Variants in EIF4A1 observed in about 807,000 individuals in gnomAD.
The protein encoded by EIF4A1 is eukaryotic initiation factor 4A-I.
A neutral mutation model predicts 53.5 loss-of-function variants in EIF4A1; 11 were observed. That is an observed-to-expected ratio of 0.21 (90% CI 0.13 to 0.34). EIF4A1 has a LOEUF of 0.34. Ranked by LOEUF, EIF4A1 falls within the 10% of genes least tolerant of loss-of-function variation. The pLI, the probability that EIF4A1 is intolerant of heterozygous loss-of-function variation, is 1.00. For synonymous variants in EIF4A1, 237 were observed against 186.7 expected, an observed-to-expected ratio of 1.27 and a Z score of -2.20; for missense variants, 213 against 530.8, an observed-to-expected ratio of 0.40 and a Z score of 5.88.
At position 7,578,549 on chromosome 17, in the gene EIF4A1, A is replaced by AG. The variant is rs1199711076; in HGVS notation, c.*69dup. The AG allele has an allele frequency of 4.0e-6, 6 of 1,486,920 alleles. No individual in the cohort carries two copies. The highest frequency in any genetic ancestry group is 1.4e-5 in the South Asian group (1 of 71,316). 92.1% of individuals were successfully genotyped at this position (1,486,920 alleles called of 1,614,324 possible). A position where few individuals can be genotyped will look rare whatever the true frequency, so the allele number is the denominator to read the frequency against. On this transcript the variant is annotated 3_prime_UTR_variant, in exon 11 of 11. Coordinates refer to ENST00000293831, the MANE Select transcript of EIF4A1 (RefSeq NM_001416.4). ...TCTCTGGGGGCTGAGGAGCAGCAGGAGGGGGGAGGGAAGGGAGCCAAGGGA... is the reference window on the plus strand; with the variant it reads ...TCTCTGGGGGCTGAGGAGCAGCAGGAGGGGGGGAGGGAAGGGAGCCAAGGGA...
intron 5 of EIF4A1, 39 bp downstream of exon 5, chr17:7,576,731 C>T (rs2071406371): frequency 1.9e-6 from 3 of 1,572,224 alleles, no homozygotes; most frequent in Non-Finnish European, 2.6e-6. Flanking sequence ...GGTCACTTTG[C>T]TCTTGTGCAC....
At chr17:7,572,998 G>C in intron 1 of EIF4A1, 134 bp downstream of exon 1, 3 of 1,514,086 alleles carry the variant, frequency 2.0e-6, no homozygotes, top group Non-Finnish European at 2.7e-6. Flanking sequence ...GTCCGACTTG[G>C]AGGGGCGAGG....
Position 7,574,611 on chromosome 17 carries a change from C to T in EIF4A1, c.138C>T (p.Gly46=), listed in dbSNP as rs2150924808. The part of the protein sequence containing the change: ...DMNLSESLLR[G]IYAYGFEKPS... ...ACCTCTCGGAGTCCCTTCTCCGTGG[C>T]ATCTACGCGTATGGTTTTGAGAAGC... The change falls in exon 3 of 11, where the codon GGC becomes GGT. Residue 46 remains glycine (G), a synonymous_variant. Coordinates refer to ENST00000293831, the MANE Select transcript of EIF4A1 (RefSeq NM_001416.4). The T allele has an allele frequency of 6.2e-7, 1 of 1,612,256 alleles. No homozygotes were observed. The highest frequency in any genetic ancestry group is 1.1e-5 in the South Asian group (1 of 90,986).
Position 7,574,320 on chromosome 17 carries a change from G to A in EIF4A1, c.72+12G>A, listed in dbSNP as rs763443020. On this transcript the variant is annotated intron_variant, in intron 2 of 10. Transcript: ENST00000293831. Reference sequence around the variant, plus strand: ...AAGGCGTCATCGAGGTGAGACTGGAGAAATGGAATTCTGTCCTCCCCCATT... The same window carrying A: ...AAGGCGTCATCGAGGTGAGACTGGAAAAATGGAATTCTGTCCTCCCCCATT... 1.2e-5 allele frequency: 20 copies of A among 1,614,188 alleles called. No homozygotes were observed. The highest frequency in any genetic ancestry group is 1.7e-5 in the Non-Finnish European group (20 of 1,180,032).
intron 3 of EIF4A1, 150 bp from the exon 4 acceptor site, chr17:7,574,969 C>A (rs535663991): frequency 2.6e-6 from 3 of 1,165,748 alleles, no homozygotes; most frequent in Non-Finnish European, 3.7e-6. Context: ...TGATCTGGTT[C>A]CCATTGTGTA....
chr17:7,576,391 T>C, intron 4 of EIF4A1, 133 bp from the exon 5 acceptor site: 1 of 1,209,720 alleles, frequency 8.3e-7, no homozygotes, highest in Non-Finnish European at 1.1e-6. Flanking sequence ...TGCCTGTTTC[T>C]CAGCTGAATG....
rs904116739 is a variant in EIF4A1 at position 7,578,551 on chromosome 17, G to A, written c.*65G>A. The A allele has an allele frequency of 4.0e-6, 6 of 1,484,756 alleles. No individual in the cohort carries two copies. The highest frequency in any genetic ancestry group is 2.4e-5 in the Admixed American group (1 of 42,354). 92.0% of individuals were successfully genotyped at this position (1,484,756 alleles called of 1,614,324 possible). ...TCTGGGGGCTGAGGAGCAGCAGGAG[G>A]GGGGAGGGAAGGGAGCCAAGGGATG... On this transcript the variant is annotated 3_prime_UTR_variant, in exon 11 of 11. Coordinates refer to ENST00000293831, the MANE Select transcript of EIF4A1 (RefSeq NM_001416.4).
In EIF4A1 at chr17:7,577,531, G is replaced by A; in HGVS notation, c.769-38G>A. The A allele has an allele frequency of 6.2e-7, 1 of 1,613,138 alleles. No individual in the cohort carries two copies. Among genetic ancestry groups the A allele is most frequent in the South Asian group, 1.1e-5 (1 of 91,002 alleles). ...GGCGGGCCTGGTAGTGAGTTGTTGGGTATAGCCCCTGACTGATTTTTGTCC... is the reference window on the plus strand; with the variant it reads ...GGCGGGCCTGGTAGTGAGTTGTTGGATATAGCCCCTGACTGATTTTTGTCC... On this transcript the variant is annotated intron_variant, in intron 7 of 10. Transcript: ENST00000293831. This position sits in a 1 kb window ranked among gnomAD's most constrained non-coding sequence, Gnocchi z 4.7.
chr17:7,577,426 T>C lies in EIF4A1; in HGVS notation c.707T>C (p.Val236Ala). ...ATGAGGGACCCCATTCGGATTCTTG[T>C]CAAGAAGGAAGAGTTGACCCTGGAG... ...KFMRDPIRILVKKEELTLEGI... is the reference protein window; with the variant it reads ...KFMRDPIRILAKKEELTLEGI... Residue 236 changes from valine to alanine, a missense_variant, in exon 7 of 11, where the codon GTC becomes GCC. Coordinates refer to ENST00000293831, the MANE Select transcript of EIF4A1 (RefSeq NM_001416.4). This position sits in a 1 kb window ranked among gnomAD's most constrained non-coding sequence, Gnocchi z 4.7. 6.2e-7 allele frequency: 1 copy of C among 1,613,996 alleles called. No individual in the cohort carries two copies. Among genetic ancestry groups the C allele is most frequent in the Non-Finnish European group, 8.5e-7 (1 of 1,180,006 alleles).
rs200951325 is a variant in EIF4A1 at position 7,572,853 on chromosome 17, C to T, written c.12C>T (p.Ser4=). Residue 4 remains serine, a synonymous_variant, in exon 1 of 11, where the codon AGC becomes AGT. Transcript: ENST00000293831. ...AGTTTCTAAGGATCATGTCTGCGAG[C>T]CAGGATTCCCGGTAAGAAAGGCATT... MSA[S]QDSRSRDNGP... is the part of the protein sequence containing the mutation. The T allele has an allele frequency of 4.0e-5, 64 of 1,614,170 alleles. 1 individual carries two copies. The South Asian group carries it at 4.1e-4, about 10-fold the overall frequency.
rs774481348 is a variant in EIF4A1, at chr17:7,575,274, A to G, written c.345+16A>G. On this transcript the variant is annotated intron_variant, in intron 4 of 10. Transcript: ENST00000293831. The stretch of plus-strand genomic sequence containing the variant: ...GGCTCAGCAGGTAAGAGTGGCTTCT[A>G]TTCCCTCCTTCAGGGCTGATTTAGG... The G allele has an allele frequency of 2.6e-5, 42 of 1,613,684 alleles. No individual in the cohort carries two copies. The highest frequency in any genetic ancestry group is 1.6e-4 in the Middle Eastern group (1 of 6,074).
Position 7,578,323 on chromosome 17 carries a change from C to A in EIF4A1, c.1077-19C>A, listed in dbSNP as rs1190188526. 2 of 1,612,924 alleles carry A rather than the reference C, an allele frequency of 1.2e-6. No homozygotes were observed. The highest frequency in any genetic ancestry group is 2.7e-5 in the African/African-American group (2 of 75,006). On this transcript the variant is annotated intron_variant, in intron 10 of 10. Transcript: ENST00000293831. ...GCTTAAAGCTCCTGATATTCCTCAT[C>A]CCCTTCCTTGTTTTCCAGAATCGGT...
intron 3 of EIF4A1, 32 bp from the exon 4 acceptor site, chr17:7,575,087 T>G (rs984970176): frequency 1.2e-5 from 20 of 1,610,712 alleles, no homozygotes; most frequent in Non-Finnish European, 1.7e-5. Context: ...GTATGCTCTT[T>G]ACCACATTCA....
chr17:7,574,845 T>C (rs2071379398), intron 3 of EIF4A1, 167 bp downstream of exon 3: 8 of 1,220,726 alleles, frequency 6.6e-6, no homozygotes, highest in African/African-American at 1.5e-5. Context: ...CTTGGACACA[T>C]AGGTTTCCTT....
At chr17:7,576,725 A>ACG in intron 5 of EIF4A1, 33 bp downstream of exon 5, 2 of 1,577,938 alleles carry the variant, frequency 1.3e-6, no homozygotes, top group Non-Finnish European at 1.7e-6. Context: ...CCCCTGGGTC[A>ACG]CTTTGCTCTT....
chr17:7,577,977 AG>A lies in EIF4A1; in HGVS notation c.996+65del. ...AGGATCCAAGGTGATTCCCTCTCCA[AG>A]GGGACATCAGTGCCTCTCAGGAAAG... On this transcript the variant is annotated intron_variant, in intron 9 of 10. Transcript: ENST00000293831. The surrounding 1 kb of genome is among the most constrained non-coding windows in gnomAD (Gnocchi z 4.7). The A allele has an allele frequency of 6.2e-7, 1 of 1,604,858 alleles. No homozygotes were observed. Among genetic ancestry groups the A allele is most frequent in the Non-Finnish European group, 8.5e-7 (1 of 1,171,636 alleles).
Position 7,577,752 on chromosome 17 carries a change from G to C in EIF4A1, c.906+46G>C, listed in dbSNP as rs978470454. ...CCTGTTGTGGGTCTGCCCGTCAGAA[G>C]TGTCCTACTTGAAGCCAGGGTTCCT... is the stretch of plus-strand genomic sequence containing the variant. On this transcript the variant is annotated intron_variant, in intron 8 of 10. Transcript: ENST00000293831. This position sits in a 1 kb window ranked among gnomAD's most constrained non-coding sequence, Gnocchi z 4.7. The C allele has an allele frequency of 6.2e-7, 1 of 1,613,824 alleles. No homozygotes were observed. Among genetic ancestry groups the C allele is most frequent in the East Asian group, 2.2e-5 (1 of 44,876 alleles).
rs543029747 is a variant in EIF4A1, at chr17:7,578,819, C to G, written c.*333C>G. 42 of 191,104 alleles carry G rather than the reference C, an allele frequency of 2.2e-4. No homozygotes were observed. Among genetic ancestry groups the G allele is most frequent in the Non-Finnish European group, 3.9e-4 (36 of 92,966 alleles). The allele number at this position is 191,104 out of a possible 1,614,324, so 11.8% of individuals were successfully genotyped here. On this transcript the variant is annotated 3_prime_UTR_variant, in exon 11 of 11. Transcript: ENST00000293831. ...GATTCAAGGGACTATGTCACTCAGC[C>G]TCATTTGCTGGACCAAATCTGGAGG... is the stretch of plus-strand genomic sequence containing the variant.
In EIF4A1 at chr17:7,575,175, A is replaced by G. The variant is rs2071384077; in HGVS notation, c.262A>G (p.Ile88Val). 6.2e-7 allele frequency: 1 copy of G among 1,612,970 alleles called. No homozygotes were observed. Among genetic ancestry groups the G allele is most frequent in the South Asian group, 1.1e-5 (1 of 91,022 alleles). Residue 88 changes from isoleucine to valine, a missense_variant, in exon 4 of 11, where the codon ATA (isoleucine) becomes GTA (valine). By Grantham distance (29) the Ile-to-Val change is conservative (BLOSUM62 3). Transcript: ENST00000293831. ...GACTGGGAAAACGGCCACATTTGCC[A>G]TATCGATTCTGCAGCAGATTGAATT... Reference protein sequence around the residue: ...SGTGKTATFAISILQQIELDL... With the variant: ...SGTGKTATFAVSILQQIELDL...
Sources: allele counts gnomAD v4.1 joint callset, GRCh38; gene constraint gnomAD v4.1.1; non-coding constraint Gnocchi (gnomAD v3.1); transcripts MANE v1.5; gene names NCBI Gene and HGNC (gene_info 2026-07-23, HGNC 2026-07-21).